Variants in FAM221A observed in about 807,000 individuals in gnomAD.
The protein encoded by FAM221A is protein FAM221A.
A neutral mutation model predicts 37.6 loss-of-function variants in FAM221A; 43 were observed. That is an observed-to-expected ratio of 1.15 (90% CI 0.90 to 1.48). The LOEUF (loss-of-function observed/expected upper bound fraction) is 1.48, where lower values mean the gene tolerates loss of function less well. Among genes scored for constraint, FAM221A ranks in the 40% most tolerant of loss-of-function variants. The pLI is 0.00. For missense variants in FAM221A, 361 were observed against 361.5 expected (o/e 1.00, Z 0.01); for synonymous variants, 135 against 132.9 (o/e 1.02, Z -0.11).
intron 4 of FAM221A, chr7:23,692,701 A>G (rs563222944): frequency 2.0e-6 from 2 of 984,274 alleles, no homozygotes; most frequent in East Asian, 2.3e-4. Flanking sequence ...TGGAAAAAGA[A>G]AGAAATTAAG....
Position 23,698,354 on chromosome 7 carries a change from C to G in FAM221A, c.745+55C>G, listed in dbSNP as rs1230930512. 4.4e-6 allele frequency: 4 copies of G among 917,794 alleles called. No homozygotes were observed. In the Admixed American group the frequency reaches 1.0e-4, roughly 23 times the overall value. The allele number at this position is 917,794 out of a possible 1,614,324, so 56.9% of individuals were successfully genotyped here. The stretch of plus-strand genomic sequence containing the variant: ...GGATGTAGTAAATTGGAATATGGAG[C>G]TTTGATTTGTTTTCTAGGCATCTCT... On this transcript the variant is annotated intron_variant, in intron 5 of 6. Coordinates refer to ENST00000344962, the MANE Select transcript of FAM221A (RefSeq NM_199136.5).
rs1303659388 is a variant in FAM221A, at chr7:23,689,460, G to T, written c.430+1G>T. On this transcript the variant is annotated splice_donor_variant, in intron 3 of 6. Coordinates refer to ENST00000344962, the MANE Select transcript of FAM221A (RefSeq NM_199136.5). LOFTEE classifies it high-confidence loss of function. ...GCGCCTGGCTTTACATGCAATACAT[G>T]TGAGTTATATTATTATAAACACATA... 2 of 1,548,844 alleles carry T rather than the reference G, an allele frequency of 1.3e-6. No homozygotes were observed. Among genetic ancestry groups the T allele is most frequent in the South Asian group, 2.4e-5 (2 of 84,330 alleles).
Position 23,702,257 on chromosome 7 carries a change from C to CTT in FAM221A, c.*103_*104dup, listed in dbSNP as rs200841650. 707 of 612,020 alleles carry CTT rather than the reference C, an allele frequency of 1.2e-3. No homozygotes were observed. Among genetic ancestry groups the CTT allele is most frequent in the East Asian group, 2.3e-3 (58 of 25,036 alleles). 37.9% of individuals were successfully genotyped at this position (612,020 alleles called of 1,614,324 possible). On this transcript the variant is annotated 3_prime_UTR_variant, in exon 7 of 7. Coordinates refer to ENST00000344962, the MANE Select transcript of FAM221A (RefSeq NM_199136.5). ...AGTTTATTTTTCCTGAAATTATTTA[C>CTT]TTTTTTTTTTTACTGTATAAATGTC...
chr7:23,682,297 C>T (rs1356972117), intron 1 of FAM221A, among the ~76,000 whole-genome samples: 3 of 151,478 alleles, frequency 2.0e-5, no homozygotes, highest in African/African-American at 7.3e-5. Flanking sequence ...AGATCCTGGC[C>T]TCAAGCAATC....
At chr7:23,700,254 C>T (rs763750829) in intron 5 of FAM221A, among the ~76,000 whole-genome samples, 3 of 152,200 alleles carry the variant, frequency 2.0e-5, no homozygotes, top group African/African-American at 7.2e-5. Context: ...AGGCTCTTGG[C>T]TACCTGCCAA....
chr7:23,700,226 G>A (rs188712752), intron 5 of FAM221A, among the ~76,000 whole-genome samples: 46 of 152,304 alleles, frequency 3.0e-4, no homozygotes, highest in Non-Finnish European at 1.0e-4. Flanking sequence ...CAATGAAGGT[G>A]TACTTTTCTA....
At chr7:23,688,535 A>T (rs1007240604) in intron 2 of FAM221A, 2 of 152,162 alleles carry the variant, frequency 1.3e-5, no homozygotes, top group African/African-American at 4.8e-5. Flanking sequence ...AATTACATCA[A>T]CACATGTTTA....
Position 23,682,371 on chromosome 7 carries a change from ATGTGTGTGTGTGTG to A in FAM221A, c.65+2102_66-2101del, listed in dbSNP as rs10533703. Among the ~76,000 whole-genome samples, 17 of 138,128 alleles carry A rather than the reference ATGTGTGTGTGTGTG, an allele frequency of 1.2e-4. No homozygotes were observed. The East Asian group carries it at 3.4e-3, about 27-fold the overall frequency. The allele number at this position is 138,128 out of a possible 152,430, so 90.6% of individuals were successfully genotyped here. Reference sequence around the variant, plus strand: ...GTGAGCCACCACATCTGGCTTTATCATGTGTGTGTGTGTGTGTGTGTGTGTGTATGTATATATAT... The same window carrying A: ...GTGAGCCACCACATCTGGCTTTATCATGTGTGTGTGTGTATGTATATATAT... On this transcript the variant is annotated intron_variant, in intron 1 of 6. Transcript: ENST00000344962.
At chr7:23,682,012 TC>T (rs1784070564) in intron 1 of FAM221A, among the ~76,000 whole-genome samples, 3 of 152,132 alleles carry the variant, frequency 2.0e-5, no homozygotes. Context: ...CTGACCAGTG[TC>T]CTGGCATCAC....
chr7:23,693,172 C>A (rs940446212), intron 4 of FAM221A: 2 of 152,176 alleles, frequency 1.3e-5, no homozygotes, highest in African/African-American at 4.8e-5. Context: ...AAGGTAGATA[C>A]AGAGAAGTAA....
intron 5 of FAM221A, among the ~76,000 whole-genome samples, chr7:23,699,639 C>A (rs1331973693): frequency 6.9e-6 from 1 of 145,600 alleles, no homozygotes; most frequent in Non-Finnish European, 1.5e-5. Context: ...ACCTACCTGG[C>A]TCAAGTGATC....
Position 23,689,293 on chromosome 7 carries a change from G to A in FAM221A, c.264G>A (p.Leu88=). 2 of 1,564,718 alleles carry A rather than the reference G, an allele frequency of 1.3e-6. No individual in the cohort carries two copies. The highest frequency in any genetic ancestry group is 8.8e-7 in the Non-Finnish European group (1 of 1,142,210). Residue 88 remains leucine (L), a synonymous_variant, in exon 3 of 7, where the codon TTG becomes TTA. Transcript: ENST00000344962. The part of the protein sequence containing the change: ...THRYKQHKTD[L]EAIPQQCPID... ...GGTATAAACAACATAAAACTGACTTGGAAGCGATTCCTCAGCAGTGCCCCA... is the reference window on the plus strand; with the variant it reads ...GGTATAAACAACATAAAACTGACTTAGAAGCGATTCCTCAGCAGTGCCCCA...
At chr7:23,682,736 A>G (rs1784129409) in intron 1 of FAM221A, among the ~76,000 whole-genome samples, 1 of 152,144 alleles carries the variant, frequency 6.6e-6, no homozygotes, top group Non-Finnish European at 1.5e-5. Context: ...CTTAATCTGC[A>G]TTTGAGCAAG....
chr7:23,702,457 T>TTAAATTTAGTACAAAATAATTTAA lies in FAM221A; in HGVS notation c.*293_*294insTAAATTTAGTACAAAATAATTTAA, dbSNP rs938707615. 1.1e-5 allele frequency: 2 copies of TTAAATTTAGTACAAAATAATTTAA among 186,034 alleles called. No individual in the cohort carries two copies. Among genetic ancestry groups the TTAAATTTAGTACAAAATAATTTAA allele is most frequent in the Non-Finnish European group, 2.2e-5 (2 of 90,356 alleles). 11.5% of individuals were successfully genotyped at this position (186,034 alleles called of 1,614,324 possible). A position where few individuals can be genotyped will look rare whatever the true frequency, so the allele number is the denominator to read the frequency against. On this transcript the variant is annotated 3_prime_UTR_variant, in exon 7 of 7. Transcript: ENST00000344962. ...TTTAGTACATAATAATTTAACTGTT[T>TTAAATTTAGTACAAAATAATTTAA]CAGGTATTTAAAAAATTAAAGATAT... is the stretch of plus-strand genomic sequence containing the variant.
chr7:23,691,286 G>A, intron 3 of FAM221A, 104 bp from the exon 4 acceptor site: 5 of 1,015,362 alleles, frequency 4.9e-6, no homozygotes, highest in Non-Finnish European at 7.6e-6. Context: ...AGAGTTACAG[G>A]GGCCAGAGGA....
At chr7:23,682,312 C>T (rs1286171891) in intron 1 of FAM221A, among the ~76,000 whole-genome samples, 1 of 151,602 alleles carries the variant, frequency 6.6e-6, no homozygotes, top group Non-Finnish European at 1.5e-5. Context: ...GCAATCCTCC[C>T]ACCTCAGCCT....
At position 23,682,371 on chromosome 7, in the gene FAM221A, ATGTGTG is replaced by A. The variant is rs10533703; in HGVS notation, c.66-2106_66-2101del. ...GTGAGCCACCACATCTGGCTTTATC[ATGTGTG>A]TGTGTGTGTGTGTGTGTGTGTATGT... On this transcript the variant is annotated intron_variant, in intron 1 of 6. Transcript: ENST00000344962. 3.1e-3 allele frequency among the ~76,000 whole-genome samples: 432 copies of A among 138,072 alleles called. 5 individuals carry two copies. The highest frequency in any genetic ancestry group is 9.4e-3 in the East Asian group (45 of 4,766). The allele number at this position is 138,072 out of a possible 152,430, so 90.6% of individuals were successfully genotyped here. A position where few individuals can be genotyped will look rare whatever the true frequency, so the allele number is the denominator to read the frequency against.
intron 5 of FAM221A, among the ~76,000 whole-genome samples, chr7:23,699,616 T>G (rs1029381038): frequency 4.2e-5 from 6 of 143,422 alleles, no homozygotes; most frequent in African/African-American, 1.5e-4. Context: ...GATCTTGGCT[T>G]ACTGCAACCT....
chr7:23,680,214 C>T lies in FAM221A; in HGVS notation c.-5C>T. On this transcript the variant is annotated 5_prime_UTR_variant, in exon 1 of 7. Coordinates refer to ENST00000344962, the MANE Select transcript of FAM221A (RefSeq NM_199136.5). ...GCAGGGAAGCCTTTGGCTTCCCCAC[C>T]GGCAATGGAGCGGTTGACGTTGCCT... 2.6e-6 allele frequency: 4 copies of T among 1,549,130 alleles called. No homozygotes were observed. The highest frequency in any genetic ancestry group is 2.7e-5 in the African/African-American group (2 of 72,840).
Sources: allele counts gnomAD v4.1 joint callset (sites outside exome capture counted in the v4.1 genomes callset), GRCh38; gene constraint gnomAD v4.1.1; transcripts MANE v1.5; gene names NCBI Gene and HGNC (gene_info 2026-07-23, HGNC 2026-07-21).